The following UGT2B7 variants were observed in gnomAD, a reference collection of about 807,000 sequenced individuals.
UGT2B7 encodes the protein UDP-glucuronosyltransferase 2B7.
Under a neutral mutation model 51.9 loss-of-function variants are expected in UGT2B7, and 51 were observed. The observed-to-expected ratio is 0.98, with a 90% CI of 0.78 to 1.24. The LOEUF (loss-of-function observed/expected upper bound fraction) is 1.24. Ranked by LOEUF, UGT2B7 falls within the 50% of genes most tolerant of loss-of-function variation. The probability of loss-of-function intolerance (pLI) is 0.00; values close to 1 mark genes in which losing one functional copy is unlikely to be tolerated. For missense variants in UGT2B7, 727 were observed against 628.4 expected (o/e 1.16, Z -1.68); for synonymous variants, 225 against 211.6 (o/e 1.06, Z -0.55).
At chr4:69,067,768 T>G (rs1718513263) in intron 1 of UGT2B7, 1 of 152,258 alleles carries the variant, frequency 6.6e-6, no homozygotes. Flanking sequence ...TACACCATTG[T>G]GTTGCAATGT....
intron 1 of UGT2B7, among the ~76,000 whole-genome samples, chr4:69,070,422 T>C (rs1020709023): frequency 4.9e-5 from 7 of 143,068 alleles, no homozygotes; most frequent in African/African-American, 1.9e-4. Context: ...ATATGGAATA[T>C]ATGTGTCCCT....
intron 1 of UGT2B7, among the ~76,000 whole-genome samples, chr4:69,074,425 T>TC (rs1421682249): frequency 1.5e-4 from 17 of 109,704 alleles, no homozygotes; most frequent in African/African-American, 6.4e-4. Context: ...CACCTTATCT[T>TC]AAATATATAT....
At chr4:69,063,026 C>G (rs2109863750) in intron 1 of UGT2B7, among the ~76,000 whole-genome samples, 1 of 152,252 alleles carries the variant, frequency 6.6e-6, no homozygotes, top group Non-Finnish European at 1.5e-5. Context: ...TGCATGCACA[C>G]TACATGGATA....
intron 1 of UGT2B7, among the ~76,000 whole-genome samples, chr4:69,064,100 A>AAG (rs1718431277): frequency 1.1e-3 from 110 of 104,702 alleles, no homozygotes; most frequent in African/African-American, 3.7e-3. Context: ...AAGAAAGAGA[A>AAG]AGAAAGAAAG....
At chr4:69,076,929 G>A (rs1298322035) in intron 1 of UGT2B7, among the ~76,000 whole-genome samples, 4 of 152,170 alleles carry the variant, frequency 2.6e-5, no homozygotes, top group Non-Finnish European at 4.4e-5. Flanking sequence ...TTATGTGTAA[G>A]TCTTTAGTCC....
At position 69,112,850 on chromosome 4, in the gene UGT2B7, GAAA is replaced by G. The variant is rs1201754633; in HGVS notation, c.*121_*123del. On this transcript the variant is annotated 3_prime_UTR_variant, in exon 6 of 6. Transcript: ENST00000305231. ...TCTTCCTGAGACAAAAAAAAAAAAA[GAAA>G]AAAAAATCTTTTCAAAATTTACTTT... 1.0e-6 allele frequency: 1 copy of G among 974,594 alleles called. No individual in the cohort carries two copies. Among genetic ancestry groups the G allele is most frequent in the African/African-American group, 2.0e-5 (1 of 49,294 alleles). 60.4% of individuals were successfully genotyped at this position (974,594 alleles called of 1,614,324 possible). A position where few individuals can be genotyped will look rare whatever the true frequency, so the allele number is the denominator to read the frequency against.
rs1305401464 is a variant in UGT2B7, at chr4:69,080,152, C to T, written c.-158-9320C>T. Among the ~76,000 whole-genome samples the T allele has an allele frequency of 2.6e-5, 4 of 151,972 alleles. No individual in the cohort carries two copies. The East Asian group carries it at 7.7e-4, about 29-fold the overall frequency. On this transcript the variant is annotated intron_variant, in intron 1 of 5. Transcript: ENST00000502942. The stretch of plus-strand genomic sequence containing the variant: ...AAATAGGTTCTGCTAAATAAATGAC[C>T]CTGAGTCTCTGAGACATTTGTTGTA...
chr4:69,068,488 T>G (rs1167482775), intron 1 of UGT2B7, among the ~76,000 whole-genome samples: 4 of 152,066 alleles, frequency 2.6e-5, no homozygotes, highest in Non-Finnish European at 5.9e-5. Flanking sequence ...AAAATTATTT[T>G]AGTGCATACA....
intron 1 of UGT2B7, among the ~76,000 whole-genome samples, chr4:69,060,438 GA>G (rs1718319427): frequency 6.6e-6 from 1 of 152,160 alleles, no homozygotes; most frequent in Admixed American, 6.5e-5. Context: ...ACAAAGAGGG[GA>G]AAAAGGAGCT....
At chr4:69,071,754 T>C (rs1437324288) in intron 1 of UGT2B7, among the ~76,000 whole-genome samples, 1 of 152,084 alleles carries the variant, frequency 6.6e-6, no homozygotes, top group East Asian at 1.9e-4. Context: ...GAACACATAG[T>C]CTTGCCACTA....
chr4:69,089,892 G>A (rs1017766878), intron 2 of UGT2B7, among the ~76,000 whole-genome samples: 1 of 152,054 alleles, frequency 6.6e-6, no homozygotes, highest in African/African-American at 2.4e-5. Flanking sequence ...CTTAAGTCCT[G>A]TGCTGACTAC....
intron 2 of UGT2B7, among the ~76,000 whole-genome samples, chr4:69,100,286 G>A (rs1297103184): frequency 1.3e-5 from 2 of 151,618 alleles, no homozygotes; most frequent in South Asian, 2.1e-4. Context: ...TCTGAATGGC[G>A]CCCTTAGTTT....
upstream of UGT2B7, among the ~76,000 whole-genome samples, chr4:69,092,306 C>T (rs1309854039): frequency 6.6e-6 from 1 of 152,136 alleles, no homozygotes; most frequent in African/African-American, 2.4e-5. Context: ...TAAATATATT[C>T]TTTAATTGAA....
chr4:69,071,745 A>G (rs1718606081), intron 1 of UGT2B7, among the ~76,000 whole-genome samples: 1 of 152,104 alleles, frequency 6.6e-6, no homozygotes, highest in African/African-American at 2.4e-5. Flanking sequence ...CTAAACTTTG[A>G]ACACATAGTC....
At position 69,098,838 on chromosome 4, in the gene UGT2B7, A is replaced by G. The variant is rs1032535970; in HGVS notation, c.870+150A>G. On this transcript the variant is annotated intron_variant, in intron 2 of 5. Coordinates refer to ENST00000305231, the MANE Select transcript of UGT2B7 (RefSeq NM_001074.4). The stretch of plus-strand genomic sequence containing the variant: ...AGATACCAATTAGAAACTCATGTGC[A>G]CGTTAATACCATCACACGTATATGA... 1.5e-5 allele frequency: 20 copies of G among 1,309,966 alleles called. No homozygotes were observed. The African/African-American group carries it at 2.4e-4, about 16-fold the overall frequency. The allele number at this position is 1,309,966 out of a possible 1,614,324, so 81.1% of individuals were successfully genotyped here.
intron 3 of UGT2B7, among the ~76,000 whole-genome samples, chr4:69,106,838 C>G (rs1311687129): frequency 1.3e-5 from 2 of 150,068 alleles, no homozygotes; most frequent in East Asian, 3.9e-4. Flanking sequence ...TTGCATTTCT[C>G]TAATGATGTT....
chr4:69,108,618 AAAGG>A (rs1377884290), intron 5 of UGT2B7, among the ~76,000 whole-genome samples: 3 of 152,088 alleles, frequency 2.0e-5, no homozygotes, highest in Admixed American at 1.3e-4. Flanking sequence ...TCCATAGAAG[AAAGG>A]AAGAATAAAC....
chr4:69,060,458 G>A (rs773861086), intron 1 of UGT2B7, among the ~76,000 whole-genome samples: 3 of 152,190 alleles, frequency 2.0e-5, no homozygotes, highest in Non-Finnish European at 4.4e-5. Flanking sequence ...CTCCTCCTCT[G>A]GGAGGCTGAC....
chr4:69,051,772 C>G (rs1718022679), intron 1 of UGT2B7, among the ~76,000 whole-genome samples: 1 of 152,160 alleles, frequency 6.6e-6, no homozygotes, highest in Non-Finnish European at 1.5e-5. Context: ...GTGGCCTGAT[C>G]AACCCAAGGT....
Sources: allele counts gnomAD v4.1 joint callset (sites outside exome capture counted in the v4.1 genomes callset), GRCh38; gene constraint gnomAD v4.1.1; transcripts MANE v1.5; gene names NCBI Gene and HGNC (gene_info 2026-07-23, HGNC 2026-07-21).